SPAG9: variants seen among roughly 807,000 people sequenced by gnomAD.
The protein encoded by SPAG9 is C-Jun-amino-terminal kinase-interacting protein 4.
A neutral mutation model predicts 166.5 loss-of-function variants in SPAG9; 35 were observed. The ratio of observed to expected loss-of-function variants is 0.21; its 90% confidence interval spans 0.16 to 0.28. The LOEUF (loss-of-function observed/expected upper bound fraction) is 0.28. SPAG9 is among the 10% of genes least tolerant of loss of function. The pLI is 1.00. For missense variants in SPAG9, 1,235 were observed against 1,603.3 expected (o/e 0.77, Z 3.92); for synonymous variants, 534 against 565.5 (o/e 0.94, Z 0.79).
At chr17:50,966,447 G>C in intron 29 of SPAG9, 60 bp from the exon 30 acceptor site, 3 of 1,064,844 alleles carry the variant, frequency 2.8e-6, no homozygotes, top group Non-Finnish European at 4.4e-6. Flanking sequence ...AATGATGTGA[G>C]TCAGATGTAA....
In SPAG9 at chr17:51,057,010, A is replaced by T. The variant is rs534440743; in HGVS notation, c.425-528T>A. Among the ~76,000 whole-genome samples, 87 of 147,608 alleles carry T rather than the reference A, an allele frequency of 5.9e-4. 1 individual carries two copies. Among genetic ancestry groups the T allele is most frequent in the African/African-American group, 1.3e-3 (53 of 40,016 alleles). ...CACAGAGTACAACTTCAGGATATTT[A>T]AAAAAAAAAAGTTTTATTAATAGAT... is the stretch of plus-strand genomic sequence containing the variant. On this transcript the variant is annotated intron_variant, in intron 2 of 29. Transcript: ENST00000262013.
intron 1 of SPAG9, among the ~76,000 whole-genome samples, chr17:51,119,262 A>C (rs2049399134): frequency 6.6e-6 from 1 of 152,204 alleles, no homozygotes; most frequent in Admixed American, 6.6e-5. Context: ...ACATCCTAAA[A>C]ACTCTTCAAG....
At chr17:51,087,076 TAATCAAG>T (rs2048325798) in intron 1 of SPAG9, among the ~76,000 whole-genome samples, 2 of 152,144 alleles carry the variant, frequency 1.3e-5, no homozygotes, top group South Asian at 2.1e-4. Context: ...TTTCAAAGAA[TAATCAAG>T]AATCAAGAAA....
chr17:51,060,500 CT>C (rs139302823), intron 2 of SPAG9, among the ~76,000 whole-genome samples: 13,919 of 92,450 alleles, frequency 0.15, 907 homozygotes, highest in Non-Finnish European at 0.19. Flanking sequence ...GGGACTTTGT[CT>C]TTTTAAAAAA....
chr17:50,978,176 G>A (rs745445182), intron 26 of SPAG9, among the ~76,000 whole-genome samples: 21 of 152,144 alleles, frequency 1.4e-4, no homozygotes, highest in Non-Finnish European at 2.2e-4. Flanking sequence ...ATTTAAGAAA[G>A]ACAACACTAG....
chr17:51,056,295 C>T (rs973887380), intron 3 of SPAG9, 117 bp downstream of exon 3: 2 of 677,574 alleles, frequency 3.0e-6, no homozygotes, highest in Non-Finnish European at 5.2e-6. Flanking sequence ...GAAAGAATCC[C>T]CAAGAATTAT....
intron 3 of SPAG9, among the ~76,000 whole-genome samples, chr17:51,051,973 T>C (rs141182760): frequency 2.0e-4 from 31 of 152,296 alleles, no homozygotes; most frequent in South Asian, 4.1e-4. Context: ...TGCTTCAAAA[T>C]TGTCCTTTAT....
chr17:51,011,413 T>G (rs2045479638), intron 9 of SPAG9, among the ~76,000 whole-genome samples: 1 of 151,834 alleles, frequency 6.6e-6, no homozygotes, highest in Non-Finnish European at 1.5e-5. Context: ...GACGGAGTTT[T>G]GCTTTGTCAC....
intron 2 of SPAG9, among the ~76,000 whole-genome samples, chr17:51,063,992 C>G (rs908790858): frequency 6.6e-6 from 1 of 152,010 alleles, no homozygotes; most frequent in African/African-American, 2.4e-5. Flanking sequence ...GTTAAAATAT[C>G]TACATAAATT....
intron 6 of SPAG9, among the ~76,000 whole-genome samples, chr17:51,024,385 A>G (rs1395905960): frequency 2.6e-5 from 4 of 152,196 alleles, no homozygotes; most frequent in Non-Finnish European, 4.4e-5. Context: ...ATTGTACAAT[A>G]TATTTTACAC....
chr17:51,008,438 A>G (rs767671214), intron 9 of SPAG9, among the ~76,000 whole-genome samples: 6 of 152,168 alleles, frequency 3.9e-5, no homozygotes, highest in Non-Finnish European at 8.8e-5. Context: ...GTGAGCTAAT[A>G]ATGTTGGAAA....
intron 1 of SPAG9, among the ~76,000 whole-genome samples, chr17:51,088,834 C>T (rs1598158517): frequency 2.0e-5 from 3 of 151,652 alleles, no homozygotes; most frequent in Non-Finnish European, 2.9e-5. Flanking sequence ...GTTGCTCACG[C>T]CTGTAATCCC....
In SPAG9 at chr17:50,962,972, A is replaced by C. The variant is rs1006506350; in HGVS notation, c.*3300T>G. On this transcript the variant is annotated 3_prime_UTR_variant, in exon 30 of 30. Coordinates refer to ENST00000262013, the MANE Select transcript of SPAG9 (RefSeq NM_001130528.3). ...ATTCCTATTTTTAAAATTTAGATCCACATGGGTTAGAGAAAAATACTCTCA... is the reference window on the plus strand; with the variant it reads ...ATTCCTATTTTTAAAATTTAGATCCCCATGGGTTAGAGAAAAATACTCTCA... 1 of 152,212 alleles carries C rather than the reference A, an allele frequency of 6.6e-6. No homozygotes were observed. Among genetic ancestry groups the C allele is most frequent in the Non-Finnish European group, 1.5e-5 (1 of 68,040 alleles). 9.4% of individuals were successfully genotyped at this position (152,212 alleles called of 1,614,324 possible).
rs1598218445 is a variant in SPAG9 at position 51,120,853 on chromosome 17, C to G, written c.-197G>C. 6.1e-6 allele frequency: 2 copies of G among 328,884 alleles called. No individual in the cohort carries two copies. The highest frequency in any genetic ancestry group is 9.6e-5 in the East Asian group (2 of 20,874). The allele number at this position is 328,884 out of a possible 1,614,324, so 20.4% of individuals were successfully genotyped here. A position where few individuals can be genotyped will look rare whatever the true frequency, so the allele number is the denominator to read the frequency against. ...GCGTAGGCGCTCTCACCCCAACCGC[C>G]GCTGCACCAACTGCCGGGGCGGCCC... On this transcript the variant is annotated 5_prime_UTR_variant, in exon 1 of 30. Coordinates refer to ENST00000262013, the MANE Select transcript of SPAG9 (RefSeq NM_001130528.3). The surrounding 1 kb of genome is among the most constrained non-coding windows in gnomAD (Gnocchi z 4.7).
intron 29 of SPAG9, among the ~76,000 whole-genome samples, chr17:50,966,954 T>C (rs894478991): frequency 1.3e-5 from 2 of 152,206 alleles, no homozygotes; most frequent in Admixed American, 6.5e-5. Flanking sequence ...CTTCCAATGA[T>C]TTTCAAGTTT....
chr17:51,068,554 T>C (rs2047736537), intron 2 of SPAG9, among the ~76,000 whole-genome samples: 1 of 152,180 alleles, frequency 6.6e-6, no homozygotes. Flanking sequence ...CAGTCCACGC[T>C]TAACCTCTGC....
chr17:51,074,338 T>C (rs776054745), intron 2 of SPAG9, among the ~76,000 whole-genome samples: 4 of 152,190 alleles, frequency 2.6e-5, no homozygotes, highest in Non-Finnish European at 5.9e-5. Flanking sequence ...GGCAGGAGAA[T>C]TGCTTGAACC....
At chr17:50,996,435 A>T in intron 16 of SPAG9, 130 bp downstream of exon 16, 1 of 1,028,774 alleles carries the variant, frequency 9.7e-7, no homozygotes, top group Non-Finnish European at 1.4e-6. Flanking sequence ...CTCCATGCTT[A>T]AATGTGTGCC....
At chr17:51,076,993 T>TATCTAGCTAGCTATCTAGCTATCTAG (rs2047992363) in intron 2 of SPAG9, among the ~76,000 whole-genome samples, 47 of 85,858 alleles carry the variant, frequency 5.5e-4, no homozygotes, top group African/African-American at 1.8e-3. Context: ...TATCTAGCTA[T>TATCTAGCTAGCTATCTAGCTATCTAG]CTAGCTATCT....
Sources: allele counts gnomAD v4.1 joint callset (sites outside exome capture counted in the v4.1 genomes callset), GRCh38; gene constraint gnomAD v4.1.1; non-coding constraint Gnocchi (gnomAD v3.1); transcripts MANE v1.5; gene names NCBI Gene and HGNC (gene_info 2026-07-23, HGNC 2026-07-21).